The following VAMP2 variants were observed in gnomAD, a reference collection of about 807,000 sequenced individuals.
VAMP2 encodes the protein vesicle associated membrane protein 2.
For synonymous variants in VAMP2, 67 were observed against 57.3 expected, an observed-to-expected ratio of 1.17 and a Z score of -0.76; for missense variants, 95 against 151.3, an observed-to-expected ratio of 0.63 and a Z score of 1.95.
chr17:8,160,215 G>C lies in VAMP2; in HGVS notation c.*640C>G, dbSNP rs1026011608. The C allele has an allele frequency of 1.3e-5, 2 of 152,056 alleles. No homozygotes were observed. The highest frequency in any genetic ancestry group is 4.9e-5 in the African/African-American group (2 of 41,210). The allele number at this position is 152,056 out of a possible 1,614,324, so 9.4% of individuals were successfully genotyped here. On this transcript the variant is annotated 3_prime_UTR_variant, in exon 5 of 5. Transcript: ENST00000316509. Reference sequence around the variant, plus strand: ...AACACAGGTTGAGAGAAGAGTGATGGAACAAAAAGAAATGGAAAGGGATAG... The same window carrying C: ...AACACAGGTTGAGAGAAGAGTGATGCAACAAAAAGAAATGGAAAGGGATAG...
chr17:8,160,779 T>C lies in VAMP2; in HGVS notation c.*76A>G. On this transcript the variant is annotated 3_prime_UTR_variant, in exon 5 of 5. Coordinates refer to ENST00000316509, the MANE Select transcript of VAMP2 (RefSeq NM_014232.3). ...ATCCAGGGGAGTGGGGGCTGAAAGA[T>C]ATGGCTGAGAGGTGGAGGAACGGCT... The C allele has an allele frequency of 6.5e-7, 1 of 1,534,190 alleles. No individual in the cohort carries two copies. Among genetic ancestry groups the C allele is most frequent in the African/African-American group, 1.4e-5 (1 of 72,400 alleles).
chr17:8,162,142 A>G (rs1983333052), intron 2 of VAMP2, 107 bp downstream of exon 2: 6 of 1,462,844 alleles, frequency 4.1e-6, no homozygotes, highest in Non-Finnish European at 5.4e-6. Context: ...TTTGTCCGCA[A>G]ACCCACAGGC....
In VAMP2 at chr17:8,160,577, G is replaced by A. The variant is rs911293697; in HGVS notation, c.*278C>T. On this transcript the variant is annotated 3_prime_UTR_variant, in exon 5 of 5. Transcript: ENST00000316509. ...GGGGCTAGTCAGGAAGAAAGGGAAA[G>A]GGAAGGAAGGCAAGAGAGAGGGGTG... 3 of 219,922 alleles carry A rather than the reference G, an allele frequency of 1.4e-5. No individual in the cohort carries two copies. The highest frequency in any genetic ancestry group is 7.0e-5 in the African/African-American group (3 of 43,142). 13.6% of individuals were successfully genotyped at this position (219,922 alleles called of 1,614,324 possible).
chr17:8,162,748 G>A (rs931083251), intron 1 of VAMP2, 130 bp downstream of exon 1: 3 of 1,275,974 alleles, frequency 2.4e-6, no homozygotes, highest in South Asian at 2.7e-5. Flanking sequence ...CCCGCGCGCA[G>A]TCACCGGCTT....
chr17:8,161,897 C>G, intron 2 of VAMP2, 131 bp from the exon 3 acceptor site: 1 of 1,384,108 alleles, frequency 7.2e-7, no homozygotes, highest in Non-Finnish European at 9.8e-7. Flanking sequence ...ATGCCAAGGA[C>G]ACACAGAACA....
rs1022003491 is a variant in VAMP2, at chr17:8,160,769, G to T, written c.*86C>A. 100 of 1,498,768 alleles carry T rather than the reference G, an allele frequency of 6.7e-5. 1 individual carries two copies. In the South Asian group the frequency reaches 7.9e-4, roughly 12 times the overall value. 92.8% of individuals were successfully genotyped at this position (1,498,768 alleles called of 1,614,324 possible). Reference sequence around the variant, plus strand: ...ACACACACGGATCCAGGGGAGTGGGGGCTGAAAGATATGGCTGAGAGGTGG... The same window carrying T: ...ACACACACGGATCCAGGGGAGTGGGTGCTGAAAGATATGGCTGAGAGGTGG... On this transcript the variant is annotated 3_prime_UTR_variant, in exon 5 of 5. Transcript: ENST00000316509.
At chr17:8,160,962 C>T (rs1307191202) in intron 4 of VAMP2, 91 bp from the exon 5 acceptor site, 1 of 1,137,564 alleles carries the variant, frequency 8.8e-7, no homozygotes, top group Non-Finnish European at 1.3e-6. Context: ...GGCCCTGCTC[C>T]AATCCTCCCC....
chr17:8,160,758 A>C lies in VAMP2; in HGVS notation c.*97T>G. On this transcript the variant is annotated 3_prime_UTR_variant, in exon 5 of 5. Transcript: ENST00000316509. ...CACGGACACACACACACACGGATCC[A>C]GGGGAGTGGGGGCTGAAAGATATGG... is the stretch of plus-strand genomic sequence containing the variant. 4 of 1,275,302 alleles carry C rather than the reference A, an allele frequency of 3.1e-6. No individual in the cohort carries two copies. The highest frequency in any genetic ancestry group is 4.4e-6 in the Non-Finnish European group (4 of 915,860). The allele number at this position is 1,275,302 out of a possible 1,614,324, so 79.0% of individuals were successfully genotyped here. A position where few individuals can be genotyped will look rare whatever the true frequency, so the allele number is the denominator to read the frequency against.
Position 8,159,702 on chromosome 17 carries a change from T to TG in VAMP2, c.*1152dup, listed in dbSNP as rs1167387843. On this transcript the variant is annotated 3_prime_UTR_variant, in exon 5 of 5. Transcript: ENST00000316509. Reference sequence around the variant, plus strand: ...GAGGCCAGAGATTTCAGGCAGGAATTGGGGGGATTCTCTGCCCTGCCCCAC... The same window carrying TG: ...GAGGCCAGAGATTTCAGGCAGGAATTGGGGGGGATTCTCTGCCCTGCCCCAC... 6.6e-6 allele frequency: 1 copy of TG among 152,548 alleles called. No homozygotes were observed. Among genetic ancestry groups the TG allele is most frequent in the African/African-American group, 2.4e-5 (1 of 41,374 alleles). The allele number at this position is 152,548 out of a possible 1,614,324, so 9.4% of individuals were successfully genotyped here. A position where few individuals can be genotyped will look rare whatever the true frequency, so the allele number is the denominator to read the frequency against.
At position 8,160,145 on chromosome 17, in the gene VAMP2, T is replaced by C. The variant is rs1045652016; in HGVS notation, c.*710A>G. The C allele has an allele frequency of 1.3e-5, 2 of 152,024 alleles. No homozygotes were observed. The highest frequency in any genetic ancestry group is 4.8e-5 in the African/African-American group (2 of 41,244). The allele number at this position is 152,024 out of a possible 1,614,324, so 9.4% of individuals were successfully genotyped here. A position where few individuals can be genotyped will look rare whatever the true frequency, so the allele number is the denominator to read the frequency against. On this transcript the variant is annotated 3_prime_UTR_variant, in exon 5 of 5. Coordinates refer to ENST00000316509, the MANE Select transcript of VAMP2 (RefSeq NM_014232.3). ...GCGAGTAATGTCGTGCAAATGAAAATGTGATACAAGAACTAATGGGGACTA... is the reference window on the plus strand; with the variant it reads ...GCGAGTAATGTCGTGCAAATGAAAACGTGATACAAGAACTAATGGGGACTA...
At chr17:8,161,031 G>A in intron 4 of VAMP2, 160 bp from the exon 5 acceptor site, 2 of 613,926 alleles carry the variant, frequency 3.3e-6, no homozygotes, top group East Asian at 5.7e-5. Context: ...CAAAGCAAGG[G>A]GCTAGACAGG....
In VAMP2 at chr17:8,162,273, C is replaced by T. The variant is rs1443762205; in HGVS notation, c.99G>A (p.Gln33=). The change falls in exon 2 of 5, where the codon CAG becomes CAA. Residue 33 remains glutamine (Q), a synonymous_variant. Coordinates refer to ENST00000316509, the MANE Select transcript of VAMP2 (RefSeq NM_014232.3). ...CCTCATCCACCTGGGCCTGGGTCTG[C>T]TGCAGTCTCCTGTTACTGGTGAGGT... The part of the protein sequence containing the change: ...PPNLTSNRRL[Q]QTQAQVDEVV... The T allele has an allele frequency of 1.9e-6, 3 of 1,566,072 alleles. No individual in the cohort carries two copies. Among genetic ancestry groups the T allele is most frequent in the East Asian group, 2.3e-5 (1 of 43,458 alleles).
intron 2 of VAMP2, among the ~76,000 whole-genome samples, 184 bp from the exon 3 acceptor site, chr17:8,161,950 G>A (rs1383116336): frequency 6.6e-6 from 1 of 152,126 alleles, no homozygotes; most frequent in Non-Finnish European, 1.5e-5. Flanking sequence ...CACATCAGGG[G>A]CATGCTGGTG....
rs1983264565 is a variant in VAMP2, at chr17:8,160,385, T to TTTTTTTTTTTTTTTTG, written c.*469_*470insCAAAAAAAAAAAAAAA. 2 of 124,138 alleles carry TTTTTTTTTTTTTTTTG rather than the reference T, an allele frequency of 1.6e-5. 1 individual carries two copies. Among genetic ancestry groups the TTTTTTTTTTTTTTTTG allele is most frequent in the Non-Finnish European group, 3.4e-5 (2 of 58,470 alleles). The allele number at this position is 124,138 out of a possible 1,614,324, so 7.7% of individuals were successfully genotyped here. ...AAGCCTGGACAGGTGCTGTTGTTTT[T>TTTTTTTTTTTTTTTTG]TTTTTTTTTTTTTTTTTTTTGAGGG... On this transcript the variant is annotated 3_prime_UTR_variant, in exon 5 of 5. Transcript: ENST00000316509.
intron 2 of VAMP2, 45 bp from the exon 3 acceptor site, chr17:8,161,811 C>G: frequency 6.3e-7 from 1 of 1,594,652 alleles, no homozygotes; most frequent in Non-Finnish European, 8.6e-7. Flanking sequence ...CAAGGCCCAC[C>G]TCAGTGAGGG....
chr17:8,162,226 C>T, intron 2 of VAMP2, 23 bp downstream of exon 2: 3 of 1,515,180 alleles, frequency 2.0e-6, no homozygotes, highest in Non-Finnish European at 2.6e-6. Flanking sequence ...CCTCCTACTG[C>T]TTTTGACTCC....
rs919019120 is a variant in VAMP2 at position 8,159,634 on chromosome 17, C to T, written c.*1221G>A. 1 of 152,698 alleles carries T rather than the reference C, an allele frequency of 6.5e-6. No individual in the cohort carries two copies. The highest frequency in any genetic ancestry group is 1.5e-5 in the Non-Finnish European group (1 of 68,092). The allele number at this position is 152,698 out of a possible 1,614,324, so 9.5% of individuals were successfully genotyped here. ...TGGGCAGTGATGGGGCAACACCCCC[C>T]AAATTGGGGAGGAGGGTTTTCAGTC... On this transcript the variant is annotated 3_prime_UTR_variant, in exon 5 of 5. Transcript: ENST00000316509.
Position 8,160,615 on chromosome 17 carries a change from G to A in VAMP2, c.*240C>T, listed in dbSNP as rs1407946195. ...AGAGAGAGGGGTGAAGGGAACCTCA[G>A]GAAGGGGTGTTAAGGACAACCGGAA... On this transcript the variant is annotated 3_prime_UTR_variant, in exon 5 of 5. Coordinates refer to ENST00000316509, the MANE Select transcript of VAMP2 (RefSeq NM_014232.3). 7.1e-6 allele frequency: 2 copies of A among 281,818 alleles called. No homozygotes were observed. Among genetic ancestry groups the A allele is most frequent in the Non-Finnish European group, 6.5e-6 (1 of 154,974 alleles). 17.5% of individuals were successfully genotyped at this position (281,818 alleles called of 1,614,324 possible).
At position 8,159,232 on chromosome 17, in the gene VAMP2, G is replaced by T. The variant is rs1228262207; in HGVS notation, c.*1623C>A. The T allele has an allele frequency of 6.6e-6, 1 of 151,362 alleles. No homozygotes were observed. The highest frequency in any genetic ancestry group is 2.4e-5 in the African/African-American group (1 of 41,102). 9.4% of individuals were successfully genotyped at this position (151,362 alleles called of 1,614,324 possible). On this transcript the variant is annotated 3_prime_UTR_variant, in exon 5 of 5. Transcript: ENST00000316509. ...GGGGCATGGGGTGGGGGAAGAGGGG[G>T]GCAGGGGACACTGGGATAATATGGG...
Sources: allele counts gnomAD v4.1 joint callset (sites outside exome capture counted in the v4.1 genomes callset), GRCh38; gene constraint gnomAD v4.1.1; transcripts MANE v1.5; gene names NCBI Gene and HGNC (gene_info 2026-07-23, HGNC 2026-07-21).